Variants in CTNND2 observed in about 807,000 individuals in gnomAD.
The protein encoded by CTNND2 is catenin delta-2.
A neutral mutation model predicts 144.4 loss-of-function variants in CTNND2; 22 were observed. The ratio of observed to expected loss-of-function variants is 0.15; its 90% CI spans 0.11 to 0.22. The LOEUF (loss-of-function observed/expected upper bound fraction) is 0.22. Among genes scored for constraint, CTNND2 ranks in the 10% least tolerant of loss-of-function variants. CTNND2 has a pLI of 1.00. For missense variants in CTNND2, 1,353 were observed against 1,618.8 expected (o/e 0.84, Z 2.82); for synonymous variants, 751 against 695.6 (o/e 1.08, Z -1.25).
intron 1 of CTNND2, among the ~76,000 whole-genome samples, chr5:11,787,810 T>C (rs1005438127): frequency 3.3e-5 from 5 of 152,192 alleles, no homozygotes; most frequent in Non-Finnish European, 5.9e-5. Flanking sequence ...TAGAGTTGCA[T>C]TTTGTTAGGG....
chr5:11,169,361 C>G (rs1759674614), intron 11 of CTNND2, among the ~76,000 whole-genome samples: 1 of 152,180 alleles, frequency 6.6e-6, no homozygotes. Flanking sequence ...CTTTGGGGAG[C>G]TGACAGCTGA....
chr5:11,163,139 G>A (rs1758962581), intron 11 of CTNND2, among the ~76,000 whole-genome samples: 1 of 152,154 alleles, frequency 6.6e-6, no homozygotes, highest in South Asian at 2.1e-4. Context: ...GTGGGGATTT[G>A]ATTTAGTGAC....
chr5:11,086,928 A>G (rs1461371528), intron 15 of CTNND2, among the ~76,000 whole-genome samples: 1 of 152,234 alleles, frequency 6.6e-6, no homozygotes, highest in Non-Finnish European at 1.5e-5. Flanking sequence ...TTACAATGAC[A>G]GTGTTTTCCT....
At chr5:11,681,694 C>T (rs1016416413) in intron 2 of CTNND2, among the ~76,000 whole-genome samples, 12 of 152,158 alleles carry the variant, frequency 7.9e-5, no homozygotes, top group East Asian at 7.7e-4. Flanking sequence ...TTTATCACAA[C>T]GTAATTCCTA....
chr5:11,245,117 G>A (rs569444650), intron 9 of CTNND2, among the ~76,000 whole-genome samples: 1 of 152,310 alleles, frequency 6.6e-6, no homozygotes, highest in African/African-American at 2.4e-5. Context: ...CCTGACAACA[G>A]GAGAGAAATG....
chr5:11,841,770 A>C (rs1184755256), intron 1 of CTNND2, among the ~76,000 whole-genome samples: 2 of 151,586 alleles, frequency 1.3e-5, no homozygotes, highest in African/African-American at 4.9e-5. Flanking sequence ...CATTTAATGG[A>C]CCTCCAAGCC....
At chr5:11,717,136 G>A (rs915096869) in intron 2 of CTNND2, among the ~76,000 whole-genome samples, 2 of 151,848 alleles carry the variant, frequency 1.3e-5, no homozygotes, top group African/African-American at 4.8e-5. Flanking sequence ...CCAAAGTGCT[G>A]GGATTACCAG....
chr5:11,641,227 G>A (rs1781981366), intron 2 of CTNND2, among the ~76,000 whole-genome samples: 1 of 151,984 alleles, frequency 6.6e-6, no homozygotes, highest in Non-Finnish European at 1.5e-5. Flanking sequence ...AATCAAATAT[G>A]AACATAGAAG....
At chr5:11,655,714 G>A (rs574517040) in intron 2 of CTNND2, among the ~76,000 whole-genome samples, 105 of 152,128 alleles carry the variant, frequency 6.9e-4, no homozygotes, top group African/African-American at 2.2e-3. Context: ...CATTCAGAGC[G>A]TAGGAATCAA....
At position 11,872,180 on chromosome 5, in the gene CTNND2, G is replaced by A. The variant is rs537277608; in HGVS notation, c.37+31637C>T. On this transcript the variant is annotated intron_variant, in intron 1 of 21. Coordinates refer to ENST00000304623, the MANE Select transcript of CTNND2 (RefSeq NM_001332.4). Reference sequence around the variant, plus strand: ...TAGTTTTCTGAGAATGATGGTTTACGGCTTCATCCGTGTCCCTGCAAAGGA... The same window carrying A: ...TAGTTTTCTGAGAATGATGGTTTACAGCTTCATCCGTGTCCCTGCAAAGGA... Among the ~76,000 whole-genome samples the A allele has an allele frequency of 3.9e-5, 6 of 152,082 alleles. No individual in the cohort carries two copies. The South Asian group carries it at 6.2e-4, about 16-fold the overall frequency.
intron 3 of CTNND2, among the ~76,000 whole-genome samples, chr5:11,513,993 A>G (rs2150029175): frequency 6.6e-6 from 1 of 152,328 alleles, no homozygotes. Context: ...AGCCTGGGCA[A>G]CATAGGGAGA....
intron 2 of CTNND2, among the ~76,000 whole-genome samples, chr5:11,662,137 GTATA>G (rs953513958): frequency 7.3e-6 from 1 of 137,892 alleles, no homozygotes; most frequent in Non-Finnish European, 1.5e-5. Flanking sequence ...ATACATATAT[GTATA>G]TATACACATA....
At chr5:11,591,548 T>C (rs1463077411) in intron 2 of CTNND2, among the ~76,000 whole-genome samples, 2 of 52,710 alleles carry the variant, frequency 3.8e-5, no homozygotes, top group Non-Finnish European at 8.6e-5. Flanking sequence ...GCAATAGCTA[T>C]TTTTTTCTTT....
intron 10 of CTNND2, among the ~76,000 whole-genome samples, chr5:11,205,105 T>C (rs1428608026): frequency 6.6e-6 from 1 of 152,226 alleles, no homozygotes; most frequent in African/African-American, 2.4e-5. Flanking sequence ...TCTGGGTTCA[T>C]GCTGAAAGAA....
At chr5:11,853,432 ACCT>A (rs1180243703) in intron 1 of CTNND2, among the ~76,000 whole-genome samples, 3 of 151,502 alleles carry the variant, frequency 2.0e-5, no homozygotes, top group African/African-American at 7.3e-5. Flanking sequence ...TGGTCTTACC[ACCT>A]CCTCTTTATT....
Position 11,627,453 on chromosome 5 carries a change from T to C in CTNND2, c.175-62397A>G, listed in dbSNP as rs191400646. On this transcript the variant is annotated intron_variant, in intron 2 of 21. Transcript: ENST00000304623. ...CCTCATCTACTGGACCATGATTCTA[T>C]AGTATAACAAAATGTTCAGACTCCA... Among the ~76,000 whole-genome samples, 5 of 152,232 alleles carry C rather than the reference T, an allele frequency of 3.3e-5. No homozygotes were observed. In the East Asian group the frequency reaches 9.7e-4, roughly 29 times the overall value.
intron 1 of CTNND2, among the ~76,000 whole-genome samples, chr5:11,744,125 G>A (rs372048654): frequency 2.6e-5 from 4 of 152,140 alleles, no homozygotes; most frequent in South Asian, 2.1e-4. Context: ...GCTACGTTCC[G>A]AATGTCTCAC....
chr5:11,570,645 C>CT (rs528048245), intron 2 of CTNND2, among the ~76,000 whole-genome samples: 1,476 of 147,444 alleles, frequency 0.01, 10 homozygotes, highest in Non-Finnish European at 0.016. Flanking sequence ...TTTCTTTTTT[C>CT]TTTTTTTTTT....
At chr5:11,737,868 T>A (rs541087210) in intron 1 of CTNND2, among the ~76,000 whole-genome samples, 1 of 152,210 alleles carries the variant, frequency 6.6e-6, no homozygotes, top group African/African-American at 2.4e-5. Context: ...GAAAGTACTG[T>A]TGACCAGCGG....
Sources: allele counts gnomAD v4.1 joint callset (sites outside exome capture counted in the v4.1 genomes callset), GRCh38; gene constraint gnomAD v4.1.1; transcripts MANE v1.5; gene names NCBI Gene and HGNC (gene_info 2026-07-23, HGNC 2026-07-21).